Variants in HLCS observed in about 807,000 individuals in gnomAD.
HLCS encodes holocarboxylase synthetase.
In HLCS, 53 loss-of-function variants were observed where a neutral mutation model predicts 75.0. That is an observed-to-expected ratio of 0.71 (90% CI 0.57 to 0.89). The LOEUF (loss-of-function observed/expected upper bound fraction) is 0.89, where lower values mean the gene tolerates loss of function less well. Among genes scored for constraint, HLCS ranks in the 40% least tolerant of loss-of-function variants. HLCS has a pLI of 0.00. For synonymous variants in HLCS, 431 were observed against 428.6 expected (o/e 1.01, Z -0.07); for missense variants, 966 against 1,074.0 (o/e 0.90, Z 1.41).
intron 5 of HLCS, among the ~76,000 whole-genome samples, chr21:36,929,860 T>C (rs1023719732): frequency 3.3e-5 from 5 of 152,242 alleles, no homozygotes; most frequent in Admixed American, 6.5e-5. Flanking sequence ...AGAGCGCTGT[T>C]GCCACAAGAT....
intron 1 of HLCS, among the ~76,000 whole-genome samples, chr21:36,977,246 T>C (rs1370315409): frequency 6.6e-6 from 1 of 152,130 alleles, no homozygotes; most frequent in Non-Finnish European, 1.5e-5. Context: ...AATCAGGTCC[T>C]GGTTGGGCGA....
chr21:36,875,010 T>C (rs2063914189), intron 6 of HLCS, among the ~76,000 whole-genome samples: 1 of 152,066 alleles, frequency 6.6e-6, no homozygotes, highest in South Asian at 2.1e-4. Context: ...GGTGTGCACA[T>C]ATGCAGAGTA....
intron 6 of HLCS, among the ~76,000 whole-genome samples, chr21:36,862,411 T>C (rs2063410048): frequency 6.6e-6 from 1 of 152,194 alleles, no homozygotes; most frequent in Non-Finnish European, 1.5e-5. Flanking sequence ...CCATCAACAG[T>C]GTGGAAGAGT....
intron 1 of HLCS, among the ~76,000 whole-genome samples, chr21:36,987,555 G>A (rs1173994033): frequency 6.6e-6 from 1 of 152,002 alleles, no homozygotes; most frequent in Non-Finnish European, 1.5e-5. Context: ...AGAGGTTGCA[G>A]TGAGCCGAGA....
At chr21:36,787,401 G>C (rs2060721636) in intron 6 of HLCS, among the ~76,000 whole-genome samples, 1 of 152,224 alleles carries the variant, frequency 6.6e-6, no homozygotes, top group African/African-American at 2.4e-5. Context: ...GAGGCACTTG[G>C]CTGGTTAAGA....
chr21:36,761,552 C>T (rs955887903), intron 8 of HLCS, among the ~76,000 whole-genome samples: 3 of 151,896 alleles, frequency 2.0e-5, no homozygotes, highest in East Asian at 1.9e-4. Flanking sequence ...GTGGATTTGG[C>T]GATACTGGGA....
intron 6 of HLCS, among the ~76,000 whole-genome samples, chr21:36,816,691 A>G (rs1169616319): frequency 6.6e-6 from 1 of 152,278 alleles, no homozygotes; most frequent in African/African-American, 2.4e-5. Context: ...AATGCAGCCA[A>G]TGAAATGTGT....
intron 6 of HLCS, among the ~76,000 whole-genome samples, chr21:36,780,739 A>T (rs1249378960): frequency 6.6e-6 from 1 of 152,134 alleles, no homozygotes; most frequent in East Asian, 1.9e-4. Flanking sequence ...GCTTTATCAG[A>T]TTCTGCCAGA....
At chr21:36,827,406 TA>T in intron 6 of HLCS, among the ~76,000 whole-genome samples, 1 of 151,042 alleles carries the variant, frequency 6.6e-6, no homozygotes, top group African/African-American at 2.4e-5. Context: ...CCGTCTCTAC[TA>T]AAAATACAAA....
intron 1 of HLCS, among the ~76,000 whole-genome samples, chr21:36,972,582 A>G (rs2068820621): frequency 6.6e-6 from 1 of 152,228 alleles, no homozygotes; most frequent in Non-Finnish European, 1.5e-5. Flanking sequence ...CAGTAACTGT[A>G]CAGTATCCAT....
intron 6 of HLCS, among the ~76,000 whole-genome samples, chr21:36,852,983 A>G (rs1022545887): frequency 6.6e-6 from 1 of 152,188 alleles, no homozygotes; most frequent in African/African-American, 2.4e-5. Context: ...GGGAAACCAA[A>G]AGAAAAAACA....
intron 6 of HLCS, among the ~76,000 whole-genome samples, chr21:36,769,646 C>A (rs1432323572): frequency 6.6e-6 from 1 of 152,226 alleles, no homozygotes; most frequent in East Asian, 1.9e-4. Context: ...TCAGGAAAAG[C>A]GCTCTGTTTT....
At chr21:36,878,345 G>A (rs181355982) in intron 6 of HLCS, among the ~76,000 whole-genome samples, 13 of 152,060 alleles carry the variant, frequency 8.5e-5, no homozygotes, top group Non-Finnish European at 1.9e-4. Flanking sequence ...ATTCTCTGTG[G>A]GTAATCATTG....
rs187990356 is a variant in HLCS, at chr21:36,954,828, C to T, written c.330+7208G>A. Among the ~76,000 whole-genome samples the T allele has an allele frequency of 5.3e-3, 809 of 151,698 alleles. 3 individuals carry two copies. Among genetic ancestry groups the T allele is most frequent in the South Asian group, 0.016 (79 of 4,808 alleles). ...CTGTAATCCCAGCACTTTGGGAGGC[C>T]GAGGCGGGGGGATCACTTGAGGTCA... On this transcript the variant is annotated intron_variant, in intron 2 of 10. Coordinates refer to ENST00000674895, the MANE Select transcript of HLCS (RefSeq NM_001352514.2).
chr21:36,950,957 T>G (rs1396579936), intron 2 of HLCS, among the ~76,000 whole-genome samples: 1 of 152,152 alleles, frequency 6.6e-6, no homozygotes, highest in Admixed American at 6.6e-5. Context: ...CTGACACCAT[T>G]GGCAGGGAAG....
rs376397597 is a variant in HLCS, at chr21:36,937,401, T to C, written c.494-9A>G. ...GTCCTGCAAGTGCACCGCTAAGGCA[T>C]GAATAGGAGAGAGAGACAGAAAATT... On this transcript the variant is annotated splice_polypyrimidine_tract_variant and intron_variant, in intron 3 of 10. Transcript: ENST00000674895. The C allele has an allele frequency of 5.7e-5, 92 of 1,608,326 alleles. No individual in the cohort carries two copies. Among genetic ancestry groups the C allele is most frequent in the Non-Finnish European group, 7.5e-5 (88 of 1,175,552 alleles).
chr21:36,983,112 C>T (rs889671709), intron 1 of HLCS, among the ~76,000 whole-genome samples: 2 of 152,182 alleles, frequency 1.3e-5, no homozygotes, highest in African/African-American at 2.4e-5. Flanking sequence ...TATGAGAATC[C>T]TGGGCACAAC....
intron 6 of HLCS, among the ~76,000 whole-genome samples, chr21:36,817,610 C>G (rs2061700867): frequency 6.6e-6 from 1 of 152,138 alleles, no homozygotes; most frequent in African/African-American, 2.4e-5. Context: ...CATGCAATTC[C>G]TGGAATAAAG....
intron 1 of HLCS, chr21:36,980,978 G>T (rs949593284): frequency 6.5e-6 from 1 of 152,716 alleles, no homozygotes; most frequent in African/African-American, 2.4e-5. Flanking sequence ...ATCCGCGGGG[G>T]ATCCCTACCT....
Sources: gnomAD v4.1 joint callset for allele counts (sites outside exome capture counted in the v4.1 genomes callset) on GRCh38, gnomAD v4.1.1 for gene constraint, MANE v1.5 for transcripts, NCBI Gene and HGNC (gene_info 2026-07-23, HGNC 2026-07-21) for gene names.